The following SLC9A8 variants were observed in gnomAD, a reference collection of about 807,000 sequenced individuals.
SLC9A8 encodes the protein sodium/hydrogen exchanger 8.
In SLC9A8, 48 loss-of-function variants were observed where a neutral mutation model predicts 66.6. The observed-to-expected ratio is 0.72, with a 90% confidence interval of 0.57 to 0.92. The LOEUF (loss-of-function observed/expected upper bound fraction) is 0.92. SLC9A8 is among the 40% of genes least tolerant of loss of function. The pLI, the probability that SLC9A8 is intolerant of heterozygous loss-of-function variation, is 0.00. For missense variants in SLC9A8, 599 were observed against 747.3 expected (o/e 0.80, Z 2.31); for synonymous variants, 274 against 282.6 (o/e 0.97, Z 0.31).
chr20:49,891,250 G>A lies in SLC9A8; in HGVS notation c.*3314G>A, dbSNP rs931365899. ...ACCCCCCGCATTCCCTGCCGAGTGA[G>A]AGCCAGTGTTTGCTGCCCTTGCTGG... On this transcript the variant is annotated 3_prime_UTR_variant, in exon 16 of 16. Coordinates refer to ENST00000361573, the MANE Select transcript of SLC9A8 (RefSeq NM_015266.3). 1 of 152,206 alleles carries A rather than the reference G, an allele frequency of 6.6e-6. No homozygotes were observed. The highest frequency in any genetic ancestry group is 1.5e-5 in the Non-Finnish European group (1 of 68,112). The allele number at this position is 152,206 out of a possible 1,614,324, so 9.4% of individuals were successfully genotyped here.
chr20:49,879,175 A>G (rs1054611793), intron 12 of SLC9A8, among the ~76,000 whole-genome samples: 1 of 152,134 alleles, frequency 6.6e-6, no homozygotes, highest in Non-Finnish European at 1.5e-5. Context: ...AGGAAAATGA[A>G]AGGATGCCCT....
chr20:49,835,768 C>T (rs1248305390), intron 3 of SLC9A8, among the ~76,000 whole-genome samples: 1 of 143,874 alleles, frequency 7.0e-6, no homozygotes, highest in Non-Finnish European at 1.5e-5. Flanking sequence ...TTACTGCAAC[C>T]TCCGCCTCCT....
Position 49,886,347 on chromosome 20 carries a change from C to G in SLC9A8, c.1492-405C>G, listed in dbSNP as rs2089891576. The G allele has an allele frequency of 6.4e-6, 1 of 156,972 alleles. No homozygotes were observed. The highest frequency in any genetic ancestry group is 2.4e-5 in the African/African-American group (1 of 41,626). The allele number at this position is 156,972 out of a possible 1,614,324, so 9.7% of individuals were successfully genotyped here. On this transcript the variant is annotated intron_variant, in intron 14 of 15. Coordinates refer to ENST00000361573, the MANE Select transcript of SLC9A8 (RefSeq NM_015266.3). The surrounding 1 kb of genome is among the most constrained non-coding windows in gnomAD (Gnocchi z 4.8). ...CCTCTCTTGACTTGATTGGCAAAAG[C>G]CTGTCCACGGTGGAGTCCTAGCTAA...
chr20:49,842,059 A>ATT (rs201138846), intron 4 of SLC9A8, among the ~76,000 whole-genome samples: 11,442 of 142,256 alleles, frequency 0.08, 562 homozygotes, highest in Middle Eastern at 0.12. Flanking sequence ...ATTTTATTTT[A>ATT]TTTTTTTTTT....
chr20:49,823,945 G>C (rs900901646), intron 3 of SLC9A8, among the ~76,000 whole-genome samples: 2 of 152,082 alleles, frequency 1.3e-5, no homozygotes, highest in African/African-American at 4.8e-5. Context: ...AACTTTCATT[G>C]CCTGGTAGAT....
chr20:49,850,936 T>C, intron 7 of SLC9A8, 92 bp downstream of exon 7: 1 of 826,518 alleles, frequency 1.2e-6, no homozygotes, highest in South Asian at 2.2e-5. Flanking sequence ...TACTGTTCTA[T>C]TCTCTCTCTG....
intron 3 of SLC9A8, among the ~76,000 whole-genome samples, chr20:49,838,135 T>A (rs2087616527): frequency 6.6e-6 from 1 of 152,162 alleles, no homozygotes; most frequent in Admixed American, 6.6e-5. Flanking sequence ...GGGCCTGATA[T>A]AATATTTCCC....
chr20:49,828,869 ATGTAT>A (rs1460242638), intron 3 of SLC9A8, among the ~76,000 whole-genome samples: 1 of 151,066 alleles, frequency 6.6e-6, no homozygotes, highest in African/African-American at 2.4e-5. Context: ...AATAATAATA[ATGTAT>A]TAATATATTT....
chr20:49,850,416 C>CT (rs2088196885), intron 6 of SLC9A8, among the ~76,000 whole-genome samples: 2 of 152,194 alleles, frequency 1.3e-5, no homozygotes, highest in South Asian at 4.1e-4. Flanking sequence ...GGGCAGATTT[C>CT]TTTAACACAT....
chr20:49,851,600 C>T (rs1312593403), intron 7 of SLC9A8, among the ~76,000 whole-genome samples: 2 of 152,170 alleles, frequency 1.3e-5, no homozygotes, highest in African/African-American at 4.8e-5. Flanking sequence ...CCAGTCAGAG[C>T]TTTCAGGATT....
At chr20:49,866,289 TTGTC>T (rs2088961763) in intron 10 of SLC9A8, among the ~76,000 whole-genome samples, 2 of 152,362 alleles carry the variant, frequency 1.3e-5, no homozygotes, top group African/African-American at 4.8e-5. Context: ...GCACCACAGT[TTGTC>T]TGTTCATCAT....
intron 3 of SLC9A8, among the ~76,000 whole-genome samples, chr20:49,824,318 C>CT (rs1321196649): frequency 1.3e-5 from 2 of 152,216 alleles, no homozygotes; most frequent in African/African-American, 4.8e-5. Flanking sequence ...TTGGTAGATT[C>CT]TAACAACCTT....
chr20:49,837,411 C>A (rs1371738967), intron 3 of SLC9A8, among the ~76,000 whole-genome samples: 4 of 152,114 alleles, frequency 2.6e-5, no homozygotes, highest in Admixed American at 1.3e-4. Context: ...TTTACATAAC[C>A]ATCCTAGTAG....
chr20:49,846,541 T>C (rs1480195183), intron 5 of SLC9A8, among the ~76,000 whole-genome samples: 2 of 151,088 alleles, frequency 1.3e-5, no homozygotes, highest in African/African-American at 4.9e-5. Context: ...ATAAATGAAG[T>C]GCTGCTGCTT....
intron 3 of SLC9A8, among the ~76,000 whole-genome samples, chr20:49,838,550 C>G (rs1468743774): frequency 6.6e-6 from 1 of 152,194 alleles, no homozygotes; most frequent in Admixed American, 6.5e-5. Flanking sequence ...CTTATCTCCC[C>G]TCTTCACCTG....
intron 2 of SLC9A8, among the ~76,000 whole-genome samples, chr20:49,817,086 C>T (rs372050822): frequency 3.4e-5 from 5 of 148,896 alleles, no homozygotes; most frequent in Admixed American, 6.7e-5. Context: ...CCAGCACTTT[C>T]GCGTGGATCA....
chr20:49,884,334 A>AC (rs1568884590), intron 14 of SLC9A8, among the ~76,000 whole-genome samples: 3 of 124,438 alleles, frequency 2.4e-5, no homozygotes, highest in Admixed American at 1.7e-4. Context: ...ACACACACAC[A>AC]CACCCCCCGG....
rs1053366352 is a variant in SLC9A8 at position 49,891,199 on chromosome 20, A to C, written c.*3263A>C. ...TTGCTGCCACTGACAAGGATTTCAC[A>C]TGCAGAAGAGAAAAGGCCCCCCTCC... On this transcript the variant is annotated 3_prime_UTR_variant, in exon 16 of 16. Transcript: ENST00000361573. 1 of 152,308 alleles carries C rather than the reference A, an allele frequency of 6.6e-6. No individual in the cohort carries two copies. The highest frequency in any genetic ancestry group is 1.5e-5 in the Non-Finnish European group (1 of 68,184). The allele number at this position is 152,308 out of a possible 1,614,324, so 9.4% of individuals were successfully genotyped here. A position where few individuals can be genotyped will look rare whatever the true frequency, so the allele number is the denominator to read the frequency against.
intron 3 of SLC9A8, among the ~76,000 whole-genome samples, chr20:49,824,786 G>A (rs2086857472): frequency 6.6e-6 from 1 of 152,002 alleles, no homozygotes; most frequent in African/African-American, 2.4e-5. Flanking sequence ...AAGGAAGATG[G>A]GCCCCTCCAA....
Sources: allele counts gnomAD v4.1 joint callset (sites outside exome capture counted in the v4.1 genomes callset), GRCh38; gene constraint gnomAD v4.1.1; non-coding constraint Gnocchi (gnomAD v3.1); transcripts MANE v1.5; gene names NCBI Gene and HGNC (gene_info 2026-07-23, HGNC 2026-07-21).